Variants in DENND2B observed in about 807,000 individuals in gnomAD.
DENND2B encodes the protein DENN domain-containing protein 2B.
In DENND2B, 32 loss-of-function variants were observed where a neutral mutation model predicts 116.0. That is an observed-to-expected ratio of 0.28 (90% CI 0.21 to 0.37). DENND2B has a LOEUF of 0.37. Ranked by LOEUF, DENND2B falls within the 10% of genes least tolerant of loss-of-function variation. The pLI, the probability that DENND2B is intolerant of heterozygous loss-of-function variation, is 1.00. For missense variants in DENND2B, 1,276 were observed against 1,477.7 expected (o/e 0.86, Z 2.24); for synonymous variants, 588 against 583.9 (o/e 1.01, Z -0.10).
chr11:8,889,174 C>T (rs768913253), intron 1 of DENND2B, among the ~76,000 whole-genome samples: 2 of 152,144 alleles, frequency 1.3e-5, no homozygotes, highest in Non-Finnish European at 2.9e-5. Context: ...GTGGAAGCAA[C>T]AAAAATGTCC....
intron 1 of DENND2B, chr11:8,774,419 G>A (rs1005941566): frequency 1.3e-6 from 1 of 745,118 alleles, no homozygotes; most frequent in Non-Finnish European, 1.6e-6. Context: ...TAGTGTCACT[G>A]CCATTAGCTG....
intron 13 of DENND2B, among the ~76,000 whole-genome samples, chr11:8,706,496 C>T (rs774556426): frequency 7.9e-5 from 12 of 151,708 alleles, no homozygotes; most frequent in Non-Finnish European, 1.6e-4. Flanking sequence ...ATATCCTTCT[C>T]TTTCCATCTC....
intron 1 of DENND2B, among the ~76,000 whole-genome samples, chr11:8,778,284 T>C (rs1271594773): frequency 6.6e-6 from 1 of 152,286 alleles, no homozygotes; most frequent in Non-Finnish European, 1.5e-5. Flanking sequence ...ACAGTATCAC[T>C]TCCTACTTGA....
chr11:8,784,604 G>GA (rs1447954521), intron 1 of DENND2B: 4 of 152,202 alleles, frequency 2.6e-5, no homozygotes, highest in Admixed American at 2.0e-4. Flanking sequence ...TACGGAGGCC[G>GA]AGGCGGGTGG....
intron 1 of DENND2B, among the ~76,000 whole-genome samples, chr11:8,891,755 C>A (rs1279215322): frequency 2.6e-5 from 4 of 152,136 alleles, no homozygotes; most frequent in African/African-American, 9.7e-5. Context: ...TCCTTAGAGA[C>A]CTACAAAGAA....
chr11:8,718,311 A>G (rs2045440579), intron 4 of DENND2B: 1 of 1,489,296 alleles, frequency 6.7e-7, no homozygotes, highest in Non-Finnish European at 9.1e-7. Flanking sequence ...TTCAGGTCAC[A>G]TGGCTGTCCC....
chr11:8,708,925 C>G (rs2043108476), intron 11 of DENND2B, among the ~76,000 whole-genome samples: 1 of 151,184 alleles, frequency 6.6e-6, no homozygotes, highest in Non-Finnish European at 1.5e-5. Context: ...TACTTCCAGC[C>G]TGGGCAACAA....
chr11:8,725,374 ACTTTT>A (rs2046913993), intron 4 of DENND2B, among the ~76,000 whole-genome samples: 1 of 140,190 alleles, frequency 7.1e-6, no homozygotes, highest in Non-Finnish European at 1.5e-5. Context: ...ATGAAATATT[ACTTTT>A]TTTTTTTTTT....
At chr11:8,819,670 A>T (rs2061692873) in intron 4 of DENND2B, among the ~76,000 whole-genome samples, 1 of 152,230 alleles carries the variant, frequency 6.6e-6, no homozygotes, top group South Asian at 2.1e-4. Context: ...ACATGAAGTA[A>T]ACCCAACCTA....
At chr11:8,794,890 A>G (rs1222643648) in intron 1 of DENND2B, 2 of 152,286 alleles carry the variant, frequency 1.3e-5, no homozygotes, top group East Asian at 1.9e-4. Flanking sequence ...TCGGCTGCCA[A>G]CTGTGGACTT....
intron 1 of DENND2B, among the ~76,000 whole-genome samples, chr11:8,893,498 C>A (rs1253536774): frequency 6.6e-6 from 1 of 152,070 alleles, no homozygotes; most frequent in Non-Finnish European, 1.5e-5. Flanking sequence ...TTTAGAAAAC[C>A]CCATCGTCTC....
chr11:8,818,826 A>G (rs2061666639), intron 4 of DENND2B, among the ~76,000 whole-genome samples: 1 of 152,190 alleles, frequency 6.6e-6, no homozygotes, highest in South Asian at 2.1e-4. Context: ...CAATCCAACT[A>G]AAAAGGGTAT....
At chr11:8,843,557 G>A (rs1167491766) in intron 3 of DENND2B, among the ~76,000 whole-genome samples, 1 of 152,110 alleles carries the variant, frequency 6.6e-6, no homozygotes, top group Non-Finnish European at 1.5e-5. Flanking sequence ...ACCCCTTCAG[G>A]GGTCATTCTT....
intron 1 of DENND2B, among the ~76,000 whole-genome samples, chr11:8,761,369 C>G (rs564758626): frequency 6.6e-6 from 1 of 152,304 alleles, no homozygotes; most frequent in South Asian, 2.1e-4. Flanking sequence ...AGATTGGAAG[C>G]CTGATCCATA....
rs2052176033 is a variant in DENND2B, at chr11:8,750,519, G to A, written c.80+102C>T. ...ATGAGCTGGCCTAGACCAGTCACCTGGATGACTGTCAGTCAAGATGATGAC... is the reference window on the plus strand; with the variant it reads ...ATGAGCTGGCCTAGACCAGTCACCTAGATGACTGTCAGTCAAGATGATGAC... On this transcript the variant is annotated intron_variant, in intron 2 of 19. Coordinates refer to ENST00000313726, the MANE Select transcript of DENND2B (RefSeq NM_213618.2). The A allele has an allele frequency of 3.0e-6, 3 of 984,614 alleles. No homozygotes were observed. In the African/African-American group the frequency reaches 4.8e-5, roughly 16 times the overall value. The allele number at this position is 984,614 out of a possible 1,614,324, so 61.0% of individuals were successfully genotyped here. A position where few individuals can be genotyped will look rare whatever the true frequency, so the allele number is the denominator to read the frequency against.
At chr11:8,856,719 T>C (rs2063205797) in intron 3 of DENND2B, among the ~76,000 whole-genome samples, 1 of 151,686 alleles carries the variant, frequency 6.6e-6, no homozygotes, top group East Asian at 1.9e-4. Context: ...TTCCGTCTGT[T>C]CCTTCAGTCT....
At chr11:8,818,896 G>A (rs2061668418) in intron 4 of DENND2B, among the ~76,000 whole-genome samples, 2 of 152,132 alleles carry the variant, frequency 1.3e-5, no homozygotes, top group Admixed American at 1.3e-4. Context: ...GTAGTCCAGA[G>A]TGTCCAAGAT....
chr11:8,773,982 C>T (rs1398745450), intron 1 of DENND2B: 1 of 384,564 alleles, frequency 2.6e-6, no homozygotes, highest in African/African-American at 2.2e-5. Context: ...GAAACTCTGC[C>T]TCTACCAGCT....
chr11:8,728,394 C>T (rs965715651), intron 3 of DENND2B, among the ~76,000 whole-genome samples: 1 of 152,192 alleles, frequency 6.6e-6, no homozygotes, highest in Non-Finnish European at 1.5e-5. Flanking sequence ...CCTCATGGAA[C>T]ATGTTCACTG....
Sources: allele counts gnomAD v4.1 joint callset (sites outside exome capture counted in the v4.1 genomes callset), GRCh38; gene constraint gnomAD v4.1.1; transcripts MANE v1.5; gene names NCBI Gene and HGNC (gene_info 2026-07-23, HGNC 2026-07-21).